Variants in RNF24 observed in about 807,000 individuals in gnomAD.
The protein encoded by RNF24 is ring finger protein 24.
RNF24 carries 14 observed loss-of-function variants against 20.0 expected under a neutral mutation model. The observed-to-expected ratio is 0.70, with a 90% CI of 0.46 to 1.10. The LOEUF (loss-of-function observed/expected upper bound fraction) is 1.10, where lower values mean the gene tolerates loss of function less well. Ranked by LOEUF, RNF24 falls within the 50% of genes least tolerant of loss-of-function variation. The pLI, the probability that RNF24 is intolerant of heterozygous loss-of-function variation, is 0.00. For missense variants in RNF24, 124 were observed against 177.6 expected, an observed-to-expected ratio of 0.70 and a Z score of 1.71; for synonymous variants, 45 against 61.1, an observed-to-expected ratio of 0.74 and a Z score of 1.23.
At chr20:3,984,635 G>A (rs1477953688) in intron 1 of RNF24, among the ~76,000 whole-genome samples, 2 of 152,306 alleles carry the variant, frequency 1.3e-5, no homozygotes, top group East Asian at 3.9e-4. Context: ...AGAGATCAGG[G>A]TTCAAAAATC....
intron 2 of RNF24, among the ~76,000 whole-genome samples, chr20:3,957,450 C>A (rs1311318039): frequency 1.6e-5 from 2 of 124,290 alleles, no homozygotes; most frequent in East Asian, 2.1e-4. Flanking sequence ...AGGCTGAGAC[C>A]CTGTCTCAAA....
At chr20:4,010,285 A>G (rs1217588666) in intron 1 of RNF24, among the ~76,000 whole-genome samples, 2 of 152,068 alleles carry the variant, frequency 1.3e-5, no homozygotes, top group African/African-American at 4.8e-5. Context: ...AGGCAGGAGA[A>G]TTGCTTGAAC....
chr20:3,945,501 G>A (rs1389096761), intron 3 of RNF24, among the ~76,000 whole-genome samples: 1 of 152,048 alleles, frequency 6.6e-6, no homozygotes, highest in Non-Finnish European at 1.5e-5. Flanking sequence ...GGTCGCCTGA[G>A]GTCAGGAGTT....
intron 4 of RNF24, among the ~76,000 whole-genome samples, chr20:3,940,392 C>T (rs2090940953): frequency 6.8e-6 from 1 of 146,750 alleles, no homozygotes; most frequent in Non-Finnish European, 1.5e-5. Flanking sequence ...ATTACTCAGT[C>T]TGAACAACAG....
intron 1 of RNF24, among the ~76,000 whole-genome samples, chr20:3,976,926 T>G (rs941177176): frequency 1.3e-5 from 2 of 152,188 alleles, no homozygotes; most frequent in Non-Finnish European, 2.9e-5. Context: ...TTACAGGAAA[T>G]TGTGAAAAGA....
rs767634069 is a variant in RNF24 at position 3,956,971 on chromosome 20, A to T, written c.143+6904T>A. Among the ~76,000 whole-genome samples the T allele has an allele frequency of 3.1e-4, 47 of 151,948 alleles. No homozygotes were observed. The Middle Eastern group carries it at 0.01, about 33-fold the overall frequency. On this transcript the variant is annotated intron_variant, in intron 2 of 5. Transcript: ENST00000358395. Reference sequence around the variant, plus strand: ...AGCCCAGGCTGAGGAACATAGTGGGACTCTGTCTCTACAAAAAATTGAAAA... The same window carrying T: ...AGCCCAGGCTGAGGAACATAGTGGGTCTCTGTCTCTACAAAAAATTGAAAA...
intron 1 of RNF24, among the ~76,000 whole-genome samples, chr20:3,976,715 A>G (rs1423852634): frequency 6.6e-6 from 1 of 152,252 alleles, no homozygotes; most frequent in African/African-American, 2.4e-5. Flanking sequence ...CAAACTATTG[A>G]TAGATGCAAT....
At chr20:3,998,455 G>A (rs1182210197) in intron 1 of RNF24, among the ~76,000 whole-genome samples, 1 of 151,730 alleles carries the variant, frequency 6.6e-6, no homozygotes, top group African/African-American at 2.4e-5. Flanking sequence ...CATGCCCGTA[G>A]TCCCAGCTAC....
chr20:3,951,078 C>T (rs2091075809), intron 2 of RNF24, among the ~76,000 whole-genome samples: 1 of 152,194 alleles, frequency 6.6e-6, no homozygotes. Flanking sequence ...GCCTCAGCCT[C>T]CCAAGTAGCT....
At chr20:3,966,510 G>A (rs952893799) in intron 1 of RNF24, among the ~76,000 whole-genome samples, 6 of 150,746 alleles carry the variant, frequency 4.0e-5, no homozygotes, top group South Asian at 2.1e-4. Flanking sequence ...GTGTGTGTTT[G>A]GGGAAAGGGA....
chr20:3,989,059 A>C (rs1294987251), intron 1 of RNF24, among the ~76,000 whole-genome samples: 1 of 152,202 alleles, frequency 6.6e-6, no homozygotes, highest in African/African-American at 2.4e-5. Context: ...AATTTTCCTT[A>C]AATCTATCAA....
At chr20:4,006,576 T>C (rs2122145176) in intron 1 of RNF24, among the ~76,000 whole-genome samples, 1 of 152,284 alleles carries the variant, frequency 6.6e-6, no homozygotes, top group South Asian at 2.1e-4. Flanking sequence ...TTCACTACAG[T>C]TCATTGCAAC....
At chr20:3,978,278 C>T (rs112234477) in intron 1 of RNF24, among the ~76,000 whole-genome samples, 17,649 of 151,858 alleles carry the variant, frequency 0.12, 1,383 homozygotes, top group Non-Finnish European at 0.17. Context: ...CATTGTGATC[C>T]GCCCACCTTG....
At chr20:3,977,175 G>A (rs1978937256) in intron 1 of RNF24, among the ~76,000 whole-genome samples, 2 of 152,102 alleles carry the variant, frequency 1.3e-5, no homozygotes, top group South Asian at 2.1e-4. Flanking sequence ...ATATAGGTAC[G>A]TAATCATTCC....
chr20:3,959,493 C>T (rs1408385471), intron 2 of RNF24, among the ~76,000 whole-genome samples: 3 of 152,084 alleles, frequency 2.0e-5, no homozygotes, highest in Non-Finnish European at 2.9e-5. Context: ...ACATAATACA[C>T]AATAATTGTA....
intron 1 of RNF24, among the ~76,000 whole-genome samples, chr20:4,000,233 T>C (rs1008295894): frequency 6.6e-6 from 1 of 152,112 alleles, no homozygotes; most frequent in African/African-American, 2.4e-5. Context: ...TCAAAAACGG[T>C]ATTTTAATGG....
chr20:3,940,341 T>C (rs1299442885), intron 4 of RNF24, among the ~76,000 whole-genome samples: 1 of 148,936 alleles, frequency 6.7e-6, no homozygotes, highest in African/African-American at 2.5e-5. Context: ...ATGGAGGGGA[T>C]AGAGGAAAGA....
chr20:3,972,445 A>G (rs1978429672), intron 1 of RNF24, among the ~76,000 whole-genome samples: 4 of 152,250 alleles, frequency 2.6e-5, no homozygotes, highest in Non-Finnish European at 5.9e-5. Flanking sequence ...AGTCATATAG[A>G]GTGTGTTACT....
intron 1 of RNF24, among the ~76,000 whole-genome samples, chr20:3,985,265 ATTTG>A (rs1021504953): frequency 6.6e-6 from 1 of 152,070 alleles, no homozygotes; most frequent in Non-Finnish European, 1.5e-5. Context: ...AGATGTATAT[ATTTG>A]TTTGAGAAAG....
Sources: gnomAD v4.1 joint callset for allele counts (sites outside exome capture counted in the v4.1 genomes callset) on GRCh38, gnomAD v4.1.1 for gene constraint, MANE v1.5 for transcripts, NCBI Gene and HGNC (gene_info 2026-07-23, HGNC 2026-07-21) for gene names.